EMP2: variants seen among roughly 807,000 people sequenced by gnomAD.
The protein encoded by EMP2 is epithelial membrane protein 2.
In EMP2, 19 loss-of-function variants were observed where a neutral mutation model predicts 13.7. The ratio of observed to expected loss-of-function variants is 1.38; its 90% confidence interval spans 0.97 to 2.03. The LOEUF (loss-of-function observed/expected upper bound fraction) is 2.03. EMP2 is among the 30% of genes most tolerant of loss of function. The pLI, the probability that EMP2 is intolerant of heterozygous loss-of-function variation, is 0.00. For missense variants in EMP2, 253 were observed against 220.7 expected, an observed-to-expected ratio of 1.15 and a Z score of -0.93; for synonymous variants, 97 against 84.7, an observed-to-expected ratio of 1.15 and a Z score of -0.80.
At chr16:10,576,019 A>T (rs913520538) in intron 1 of EMP2, among the ~76,000 whole-genome samples, 1 of 152,088 alleles carries the variant, frequency 6.6e-6, no homozygotes, top group Non-Finnish European at 1.5e-5. Context: ...GCACTCTAGT[A>T]CTCAGATTTT....
intron 2 of EMP2, chr16:10,545,233 A>G (rs1053056144): frequency 2.6e-5 from 4 of 152,238 alleles, no homozygotes; most frequent in Non-Finnish European, 5.9e-5. Flanking sequence ...CCAAAGGACT[A>G]GATGGGAAGA....
At chr16:10,572,144 G>A (rs188966886) in intron 1 of EMP2, among the ~76,000 whole-genome samples, 1 of 152,290 alleles carries the variant, frequency 6.6e-6, no homozygotes, top group African/African-American at 2.4e-5. Context: ...AGACAGACAA[G>A]GGCAAAGACC....
Position 10,557,026 on chromosome 16 carries a change from G to C in EMP2, c.-60-9349C>G, listed in dbSNP as rs187320790. 8.5e-5 allele frequency among the ~76,000 whole-genome samples: 13 copies of C among 152,224 alleles called. No individual in the cohort carries two copies. The East Asian group carries it at 2.5e-3, about 29-fold the overall frequency. On this transcript the variant is annotated intron_variant, in intron 1 of 4. Coordinates refer to ENST00000359543, the MANE Select transcript of EMP2 (RefSeq NM_001424.6). ...GCACTGGCCCATTCGCTAAGGTTGA[G>C]GGATGACTGGGCTAATTAAGAGAGG...
chr16:10,579,855 A>G (rs753595557), intron 1 of EMP2, among the ~76,000 whole-genome samples: 8 of 152,082 alleles, frequency 5.3e-5, no homozygotes, highest in Non-Finnish European at 1.0e-4. Context: ...ATCTTCACCT[A>G]AAAGACCTCC....
At chr16:10,574,206 G>C (rs541672496) in intron 1 of EMP2, among the ~76,000 whole-genome samples, 2 of 152,112 alleles carry the variant, frequency 1.3e-5, no homozygotes, top group Admixed American at 1.3e-4. Flanking sequence ...CCAAAGTGCT[G>C]GGATTAGAGG....
chr16:10,536,759 T>C (rs2050650031), intron 4 of EMP2, among the ~76,000 whole-genome samples: 1 of 152,206 alleles, frequency 6.6e-6, no homozygotes, highest in African/African-American at 2.4e-5. Context: ...TAGCTGGGAC[T>C]ACAGGTGTGC....
At chr16:10,541,199 G>GA (rs1162261141) in intron 3 of EMP2, among the ~76,000 whole-genome samples, 1 of 151,886 alleles carries the variant, frequency 6.6e-6, no homozygotes, top group South Asian at 2.1e-4. Flanking sequence ...AGCCAGGCGT[G>GA]AAAAACCAGC....
intron 1 of EMP2, among the ~76,000 whole-genome samples, chr16:10,549,867 C>CT (rs1389070058): frequency 5.7e-5 from 8 of 139,618 alleles, no homozygotes; most frequent in Admixed American, 1.4e-4. Flanking sequence ...CTTTTCTTTT[C>CT]TTTTTTTTTC....
At chr16:10,562,425 G>A (rs2050879345) in intron 1 of EMP2, among the ~76,000 whole-genome samples, 1 of 149,686 alleles carries the variant, frequency 6.7e-6, no homozygotes, top group Admixed American at 6.7e-5. Flanking sequence ...CCCAGTAACT[G>A]TGTGAACAAG....
At chr16:10,578,445 T>C (rs1361393865) in intron 1 of EMP2, among the ~76,000 whole-genome samples, 3 of 152,200 alleles carry the variant, frequency 2.0e-5, no homozygotes, top group South Asian at 2.1e-4. Flanking sequence ...GTTTGCTAAA[T>C]GGATGTGCTC....
At chr16:10,577,418 C>G (rs1596384656) in intron 1 of EMP2, among the ~76,000 whole-genome samples, 1 of 152,164 alleles carries the variant, frequency 6.6e-6, no homozygotes, top group South Asian at 2.1e-4. Context: ...AGACTCCCCC[C>G]TGGCCTGTCC....
chr16:10,556,571 G>C (rs1280227115), intron 1 of EMP2, among the ~76,000 whole-genome samples: 1 of 152,216 alleles, frequency 6.6e-6, no homozygotes, highest in Non-Finnish European at 1.5e-5. Context: ...CCCAAGATAA[G>C]TAGGCAATAA....
intron 1 of EMP2, among the ~76,000 whole-genome samples, chr16:10,549,194 T>C (rs1241944744): frequency 1.3e-5 from 2 of 152,202 alleles, no homozygotes; most frequent in Non-Finnish European, 2.9e-5. Context: ...ATGCTTTACT[T>C]TGGCAGGACA....
At chr16:10,560,714 G>C (rs1380530526) in intron 1 of EMP2, among the ~76,000 whole-genome samples, 1 of 152,206 alleles carries the variant, frequency 6.6e-6, no homozygotes, top group Admixed American at 6.5e-5. Flanking sequence ...AGCATCAGAA[G>C]CTTCATGGAA....
chr16:10,578,987 C>T (rs1014943399), intron 1 of EMP2, among the ~76,000 whole-genome samples: 2 of 152,228 alleles, frequency 1.3e-5, no homozygotes, highest in African/African-American at 2.4e-5. Flanking sequence ...GCTTGGGAGG[C>T]AGATGGAGGT....
At chr16:10,560,282 G>C (rs750766830) in intron 1 of EMP2, among the ~76,000 whole-genome samples, 4 of 152,212 alleles carry the variant, frequency 2.6e-5, no homozygotes, top group Non-Finnish European at 4.4e-5. Context: ...GGGGACAACG[G>C]AAGCAGAGAA....
chr16:10,565,449 G>C (rs2050901103), intron 1 of EMP2, among the ~76,000 whole-genome samples: 1 of 152,186 alleles, frequency 6.6e-6, no homozygotes, highest in Non-Finnish European at 1.5e-5. Flanking sequence ...CTTCAGACTT[G>C]AACTACATCA....
Position 10,532,951 on chromosome 16 carries a change from G to A in EMP2, c.458C>T (p.Thr153Ile). 2 of 1,605,542 alleles carry A rather than the reference G, an allele frequency of 1.2e-6. No homozygotes were observed. The highest frequency in any genetic ancestry group is 1.7e-6 in the Non-Finnish European group (2 of 1,175,560). The change falls in exon 5 of 5, where the codon ACC becomes ATC. Residue 153 changes from threonine (T) to isoleucine (I), a missense_variant. Physicochemically the swap from Thr to Ile is moderately conservative, Grantham distance 89 (BLOSUM62 -1). Transcript: ENST00000359543. ...YILAWVAFACTFISGMMYLIL... is the reference protein window; with the variant it reads ...YILAWVAFACIFISGMMYLIL... ...CAGGTACATCATGCCGCTGATGAAG[G>A]TGCAGGCGAAGGCCACCCACGCCAG...
At chr16:10,577,830 T>TC (rs2050994242) in intron 1 of EMP2, among the ~76,000 whole-genome samples, 1 of 150,620 alleles carries the variant, frequency 6.6e-6, no homozygotes, top group African/African-American at 2.4e-5. Flanking sequence ...CGTCACCGCC[T>TC]CCCCTCTGGA....
Sources: gnomAD v4.1 joint callset for allele counts (sites outside exome capture counted in the v4.1 genomes callset) on GRCh38, gnomAD v4.1.1 for gene constraint, MANE v1.5 for transcripts, NCBI Gene and HGNC (gene_info 2026-07-23, HGNC 2026-07-21) for gene names.